The following LRMDA variants were observed in gnomAD, a reference collection of about 807,000 sequenced individuals.
LRMDA encodes the protein leucine rich melanocyte differentiation associated.
In LRMDA, 18 loss-of-function variants were observed where a neutral mutation model predicts 29.8. The observed-to-expected ratio is 0.60, with a 90% CI of 0.42 to 0.90. The LOEUF (loss-of-function observed/expected upper bound fraction) is 0.90, where lower values mean the gene tolerates loss of function less well. Among genes scored for constraint, LRMDA ranks in the 40% least tolerant of loss-of-function variants. The pLI is 0.00. For missense variants in LRMDA, 273 were observed against 273.9 expected (o/e 1.00, Z 0.02); for synonymous variants, 125 against 109.4 (o/e 1.14, Z -0.89).
intron 5 of LRMDA, among the ~76,000 whole-genome samples, chr10:76,261,553 A>G (rs1422878005): frequency 6.6e-6 from 1 of 152,148 alleles, no homozygotes; most frequent in Non-Finnish European, 1.5e-5. Flanking sequence ...CAAAAATAAG[A>G]GCCTTTGACT....
At chr10:76,466,522 G>C (rs910689762) in intron 6 of LRMDA, among the ~76,000 whole-genome samples, 3 of 152,152 alleles carry the variant, frequency 2.0e-5, no homozygotes, top group Non-Finnish European at 4.4e-5. Context: ...CAGGCTGGGC[G>C]TGGTGGCTCA....
intron 6 of LRMDA, among the ~76,000 whole-genome samples, chr10:76,510,810 A>G (rs1214193539): frequency 6.6e-6 from 1 of 152,082 alleles, no homozygotes; most frequent in African/African-American, 2.4e-5. Flanking sequence ...CTGTTAGACA[A>G]TTCCTGCCCC....
At chr10:76,173,433 A>G (rs1589363152) in intron 5 of LRMDA, among the ~76,000 whole-genome samples, 1 of 152,356 alleles carries the variant, frequency 6.6e-6, no homozygotes, top group Non-Finnish European at 1.5e-5. Flanking sequence ...TATTAATAAA[A>G]TTGATAAACC....
intron 2 of LRMDA, among the ~76,000 whole-genome samples, chr10:75,513,744 T>G (rs1845255715): frequency 6.6e-6 from 1 of 152,114 alleles, no homozygotes; most frequent in African/African-American, 2.4e-5. Flanking sequence ...ATCTTCTTCT[T>G]AGACCTTCTG....
At chr10:76,068,022 A>T (rs1848812798) in intron 5 of LRMDA, among the ~76,000 whole-genome samples, 1 of 152,230 alleles carries the variant, frequency 6.6e-6, no homozygotes, top group South Asian at 2.1e-4. Flanking sequence ...AACCACACAG[A>T]TGCCAGGCCA....
At chr10:75,938,892 G>A (rs1846341299) in intron 2 of LRMDA, among the ~76,000 whole-genome samples, 1 of 152,190 alleles carries the variant, frequency 6.6e-6, no homozygotes, top group Admixed American at 6.5e-5. Flanking sequence ...ATCTTACATT[G>A]TTGGAACAAG....
chr10:75,670,911 T>G (rs1217947649), intron 2 of LRMDA, among the ~76,000 whole-genome samples: 2 of 152,132 alleles, frequency 1.3e-5, no homozygotes, highest in Non-Finnish European at 2.9e-5. Flanking sequence ...GCTTCCCTTC[T>G]GACCAGCAAG....
intron 2 of LRMDA, among the ~76,000 whole-genome samples, chr10:75,459,608 A>AT (rs1236653635): frequency 2.0e-5 from 3 of 152,230 alleles, no homozygotes; most frequent in African/African-American, 4.8e-5. Context: ...AAATATATAT[A>AT]TTTTTTAAGC....
intron 2 of LRMDA, among the ~76,000 whole-genome samples, chr10:75,759,984 C>T (rs1047114787): frequency 4.6e-5 from 7 of 152,166 alleles, no homozygotes; most frequent in African/African-American, 1.7e-4. Flanking sequence ...CAGACCAATT[C>T]ATTGGGAATT....
At chr10:76,320,260 T>TA (rs1225671355) in intron 5 of LRMDA, among the ~76,000 whole-genome samples, 1 of 152,210 alleles carries the variant, frequency 6.6e-6, no homozygotes, top group East Asian at 1.9e-4. Context: ...ATGTGAGTTT[T>TA]AAAAATTATT....
chr10:75,913,553 C>T (rs17435241), intron 2 of LRMDA, among the ~76,000 whole-genome samples: 18,125 of 152,208 alleles, frequency 0.12, 1,214 homozygotes, highest in Middle Eastern at 0.31. Flanking sequence ...ATAGGTCATG[C>T]GCCCCGTGTG....
At chr10:76,162,101 T>C (rs1007620206) in intron 5 of LRMDA, among the ~76,000 whole-genome samples, 3 of 152,230 alleles carry the variant, frequency 2.0e-5, no homozygotes, top group African/African-American at 7.2e-5. Flanking sequence ...TGTTAGTCAA[T>C]CCTGCAAGTG....
chr10:75,565,667 CAATA>C (rs1210596568), intron 2 of LRMDA, among the ~76,000 whole-genome samples: 1 of 152,156 alleles, frequency 6.6e-6, no homozygotes, highest in East Asian at 1.9e-4. Context: ...TTTTACTAGC[CAATA>C]AATAAAGTCA....
chr10:75,610,377 C>A (rs192113275), intron 2 of LRMDA, among the ~76,000 whole-genome samples: 1 of 151,938 alleles, frequency 6.6e-6, no homozygotes, highest in African/African-American at 2.4e-5. Flanking sequence ...ACACATCATA[C>A]ACCCCCACAT....
intron 2 of LRMDA, among the ~76,000 whole-genome samples, chr10:75,709,149 T>C (rs1336744289): frequency 2.0e-5 from 3 of 152,208 alleles, no homozygotes; most frequent in Non-Finnish European, 4.4e-5. Flanking sequence ...AACAATTCTA[T>C]GTTAAATGTT....
intron 6 of LRMDA, among the ~76,000 whole-genome samples, chr10:76,413,802 G>T (rs1365894742): frequency 3.3e-5 from 5 of 152,142 alleles, no homozygotes; most frequent in Non-Finnish European, 7.3e-5. Flanking sequence ...CACAGTATTG[G>T]CTCACCAAAT....
At chr10:75,683,035 G>A (rs1212374591) in intron 2 of LRMDA, among the ~76,000 whole-genome samples, 4 of 152,178 alleles carry the variant, frequency 2.6e-5, no homozygotes, top group East Asian at 1.9e-4. Context: ...ACACGTTGCT[G>A]AGCTCCTGTA....
At chr10:76,148,649 C>T (rs1021328081) in intron 5 of LRMDA, among the ~76,000 whole-genome samples, 1 of 152,232 alleles carries the variant, frequency 6.6e-6, no homozygotes, top group East Asian at 1.9e-4. Flanking sequence ...CTGGGTGAGG[C>T]GATGCCTTCC....
At chr10:75,496,543 T>C (rs1401536369) in intron 2 of LRMDA, among the ~76,000 whole-genome samples, 2 of 152,226 alleles carry the variant, frequency 1.3e-5, no homozygotes, top group Non-Finnish European at 2.9e-5. Context: ...TTACATTTAA[T>C]AACCCTCATC....
Sources: gnomAD v4.1 joint callset for allele counts (sites outside exome capture counted in the v4.1 genomes callset) on GRCh38, gnomAD v4.1.1 for gene constraint, MANE v1.5 for transcripts, NCBI Gene and HGNC (gene_info 2026-07-23, HGNC 2026-07-21) for gene names.